The following SPAG16 variants were observed in gnomAD, a reference collection of about 807,000 sequenced individuals.
SPAG16 encodes the protein sperm-associated antigen 16 protein.
In SPAG16, 86 loss-of-function variants were observed where a neutral mutation model predicts 80.4. The observed-to-expected ratio is 1.07, with a 90% CI of 0.90 to 1.28. The LOEUF is 1.28. SPAG16 is among the 50% of genes most tolerant of loss of function. The probability of loss-of-function intolerance (pLI) is 0.00; values close to 1 mark genes in which losing one functional copy is unlikely to be tolerated. For synonymous variants in SPAG16, 294 were observed against 265.9 expected, an observed-to-expected ratio of 1.11 and a Z score of -1.03; for missense variants, 870 against 765.3, an observed-to-expected ratio of 1.14 and a Z score of -1.61.
At chr2:214,043,231 T>C (rs7594164) in intron 13 of SPAG16, among the ~76,000 whole-genome samples, 66,876 of 151,726 alleles carry the variant, frequency 0.44, 16,482 homozygotes, top group South Asian at 0.66. Context: ...AATCTAACAC[T>C]AGTATAGCCT....
At chr2:214,399,681 AC>A (rs1446317694) in intron 15 of SPAG16, among the ~76,000 whole-genome samples, 1 of 152,118 alleles carries the variant, frequency 6.6e-6, no homozygotes, top group Non-Finnish European at 1.5e-5. Flanking sequence ...TTACAATAAG[AC>A]AAAAATGATT....
At chr2:214,123,390 C>T (rs1248748612) in intron 14 of SPAG16, among the ~76,000 whole-genome samples, 1 of 151,904 alleles carries the variant, frequency 6.6e-6, no homozygotes, top group Non-Finnish European at 1.5e-5. Flanking sequence ...GACATTTCCT[C>T]TTTGACCAAA....
intron 10 of SPAG16, among the ~76,000 whole-genome samples, chr2:213,599,598 A>G (rs1266205925): frequency 2.0e-5 from 3 of 152,230 alleles, no homozygotes; most frequent in Non-Finnish European, 4.4e-5. Flanking sequence ...ACAGTATATA[A>G]TACACGTAAC....
chr2:213,869,284 T>TAC, intron 11 of SPAG16, among the ~76,000 whole-genome samples: 1 of 117,578 alleles, frequency 8.5e-6, no homozygotes, highest in Non-Finnish European at 1.9e-5. Flanking sequence ...TATATATGTA[T>TAC]ATATATATGT....
rs73989458 is a variant in SPAG16 at position 214,359,472 on chromosome 2, C to T, written c.1721-50668C>T. Among the ~76,000 whole-genome samples, 890 of 151,904 alleles carry T rather than the reference C, an allele frequency of 5.9e-3. 10 individuals are homozygous for T. The highest frequency in any genetic ancestry group is 0.02 in the African/African-American group (840 of 41,462). On this transcript the variant is annotated intron_variant, in intron 15 of 15. Coordinates refer to ENST00000331683, the MANE Select transcript of SPAG16 (RefSeq NM_024532.5). Reference sequence around the variant, plus strand: ...AAAGAGTTAATACAACTTTAGAGCACGAGAGAGAATATTTTATCAAACTGA... The same window carrying T: ...AAAGAGTTAATACAACTTTAGAGCATGAGAGAGAATATTTTATCAAACTGA...
intron 15 of SPAG16, among the ~76,000 whole-genome samples, chr2:214,394,381 C>T (rs1701247491): frequency 6.6e-6 from 1 of 152,032 alleles, no homozygotes; most frequent in African/African-American, 2.4e-5. Context: ...TTAAAATCAT[C>T]TAGAGGGTTC....
At chr2:213,411,227 T>G (rs2068948232) in intron 9 of SPAG16, among the ~76,000 whole-genome samples, 1 of 152,232 alleles carries the variant, frequency 6.6e-6, no homozygotes, top group Admixed American at 6.5e-5. Context: ...GAGAAGCCCC[T>G]TATAGGTCTT....
At chr2:214,281,025 C>A (rs796086260) in intron 15 of SPAG16, 10 of 413,864 alleles carry the variant, frequency 2.4e-5, no homozygotes, top group African/African-American at 1.9e-4. Flanking sequence ...CCATTCACAG[C>A]TCCCTCAGGG....
chr2:214,200,602 G>A (rs1317377885), intron 15 of SPAG16, among the ~76,000 whole-genome samples: 11 of 152,104 alleles, frequency 7.2e-5, no homozygotes, highest in Non-Finnish European at 1.5e-5. Flanking sequence ...GAGCCCAGGA[G>A]GCAGAGGTTG....
At chr2:214,147,237 T>A (rs1045182488) in intron 14 of SPAG16, among the ~76,000 whole-genome samples, 3 of 152,172 alleles carry the variant, frequency 2.0e-5, no homozygotes, top group Admixed American at 6.5e-5. Context: ...ACTTGATCAT[T>A]TGACAGCAAT....
chr2:213,293,801 T>C (rs1489141812), intron 1 of SPAG16, among the ~76,000 whole-genome samples: 1 of 152,234 alleles, frequency 6.6e-6, no homozygotes, highest in Non-Finnish European at 1.5e-5. Context: ...GAGTTGTAAT[T>C]GACAACATTA....
chr2:213,900,072 A>T (rs2042785), intron 11 of SPAG16, among the ~76,000 whole-genome samples: 88,861 of 151,924 alleles, frequency 0.58, 27,803 homozygotes, highest in South Asian at 0.84. Flanking sequence ...GAATGCATCA[A>T]CAAATCAATC....
intron 9 of SPAG16, among the ~76,000 whole-genome samples, chr2:213,468,690 ATG>A (rs1228219934): frequency 1.4e-5 from 2 of 147,652 alleles, no homozygotes; most frequent in Non-Finnish European, 3.0e-5. Flanking sequence ...GTGTGTGTAT[ATG>A]TGTGTATATA....
At chr2:214,143,400 C>G (rs993526469) in intron 14 of SPAG16, among the ~76,000 whole-genome samples, 2 of 151,774 alleles carry the variant, frequency 1.3e-5, no homozygotes, top group African/African-American at 2.4e-5. Context: ...GACCAGGGTC[C>G]TTCCATAAAT....
At chr2:213,515,185 A>T (rs2075375558) in intron 10 of SPAG16, among the ~76,000 whole-genome samples, 1 of 152,178 alleles carries the variant, frequency 6.6e-6, no homozygotes, top group African/African-American at 2.4e-5. Flanking sequence ...ATATAAACCC[A>T]TTCTATCTGA....
intron 10 of SPAG16, among the ~76,000 whole-genome samples, chr2:213,696,609 G>A (rs891319090): frequency 6.6e-6 from 1 of 152,160 alleles, no homozygotes; most frequent in African/African-American, 2.4e-5. Context: ...GCTAAGAAAA[G>A]AAAGTACTTA....
At chr2:213,638,102 A>G (rs1408852096) in intron 10 of SPAG16, among the ~76,000 whole-genome samples, 2 of 151,854 alleles carry the variant, frequency 1.3e-5, no homozygotes, top group Non-Finnish European at 2.9e-5. Flanking sequence ...CTCCCATTTC[A>G]TTTCTGATTG....
chr2:213,555,322 A>T (rs1226281889), intron 10 of SPAG16, among the ~76,000 whole-genome samples: 1 of 152,146 alleles, frequency 6.6e-6, no homozygotes, highest in Admixed American at 6.5e-5. Flanking sequence ...GAGTAGGTGG[A>T]GGTAATTGGA....
intron 14 of SPAG16, among the ~76,000 whole-genome samples, chr2:214,111,258 T>C (rs2053648752): frequency 6.6e-6 from 1 of 152,172 alleles, no homozygotes; most frequent in South Asian, 2.1e-4. Flanking sequence ...GTTTTTATGG[T>C]TTTAGGTCTA....
Sources: allele counts gnomAD v4.1 joint callset (sites outside exome capture counted in the v4.1 genomes callset), GRCh38; gene constraint gnomAD v4.1.1; transcripts MANE v1.5; gene names NCBI Gene and HGNC (gene_info 2026-07-23, HGNC 2026-07-21).